Variants in SHB observed in about 807,000 individuals in gnomAD.
SHB encodes SH2 domain containing adaptor protein B.
In SHB, 20 loss-of-function variants were observed where a neutral mutation model predicts 52.3. That is an observed-to-expected ratio of 0.38 (90% CI 0.27 to 0.56). The LOEUF (loss-of-function observed/expected upper bound fraction) is 0.56. Among genes scored for constraint, SHB ranks in the 20% least tolerant of loss-of-function variants. The pLI, the probability that SHB is intolerant of heterozygous loss-of-function variation, is 0.71. For synonymous variants in SHB, 397 were observed against 316.5 expected, an observed-to-expected ratio of 1.25 and a Z score of -2.70; for missense variants, 825 against 723.3, an observed-to-expected ratio of 1.14 and a Z score of -1.61.
chr9:38,044,409 C>T (rs1400992736), intron 1 of SHB, among the ~76,000 whole-genome samples: 2 of 152,212 alleles, frequency 1.3e-5, no homozygotes, highest in Non-Finnish European at 2.9e-5. Flanking sequence ...GTTTACTAAG[C>T]ACCTACTATG....
At chr9:37,994,292 G>A (rs1461729406) in intron 2 of SHB, among the ~76,000 whole-genome samples, 1 of 152,196 alleles carries the variant, frequency 6.6e-6, no homozygotes, top group Admixed American at 6.5e-5. Context: ...TAAGTCAGTA[G>A]ATATGAAAGA....
chr9:38,043,681 G>T (rs953199683), intron 1 of SHB, among the ~76,000 whole-genome samples: 1 of 152,092 alleles, frequency 6.6e-6, no homozygotes, highest in African/African-American at 2.4e-5. Flanking sequence ...CCTGAGGTCG[G>T]GAGTTTGAGA....
intron 2 of SHB, among the ~76,000 whole-genome samples, chr9:37,986,548 T>C (rs900113482): frequency 2.6e-5 from 4 of 152,150 alleles, no homozygotes; most frequent in African/African-American, 9.7e-5. Context: ...GCAGGACACA[T>C]GGGGATGTGG....
At position 38,059,219 on chromosome 9, in the gene SHB, C is replaced by T. The variant is rs1306236228; in HGVS notation, c.717+8710G>A. The stretch of plus-strand genomic sequence containing the variant: ...CTGTAAGTCAAGGCCCGGCAGTGGG[C>T]CAGGGAATTCGCTTCCCCCACCCAC... On this transcript the variant is annotated intron_variant, in intron 1 of 5. Coordinates refer to ENST00000377707, the MANE Select transcript of SHB (RefSeq NM_003028.3). Among the ~76,000 whole-genome samples, 3 of 152,328 alleles carry T rather than the reference C, an allele frequency of 2.0e-5. No homozygotes were observed. The East Asian group carries it at 5.8e-4, about 29-fold the overall frequency.
intron 1 of SHB, among the ~76,000 whole-genome samples, chr9:38,053,726 C>T (rs1340227610): frequency 2.0e-5 from 3 of 152,158 alleles, no homozygotes; most frequent in Non-Finnish European, 4.4e-5. Context: ...ACCCCACTGA[C>T]TTTACTGTGG....
intron 1 of SHB, among the ~76,000 whole-genome samples, chr9:38,041,479 C>T (rs533175271): frequency 1.3e-5 from 2 of 152,262 alleles, no homozygotes; most frequent in East Asian, 3.9e-4. Context: ...TGAGGCAAAC[C>T]TGCATTTGCT....
intron 2 of SHB, among the ~76,000 whole-genome samples, chr9:38,006,678 T>G (rs991744832): frequency 2.6e-5 from 4 of 152,240 alleles, no homozygotes; most frequent in Non-Finnish European, 5.9e-5. Context: ...CCGAGGGGCC[T>G]GAGCCCTCGC....
chr9:37,982,767 C>T (rs960513045), intron 2 of SHB, among the ~76,000 whole-genome samples: 1 of 152,120 alleles, frequency 6.6e-6, no homozygotes, highest in Non-Finnish European at 1.5e-5. Flanking sequence ...CTATTGCACT[C>T]CAGCCTGCGC....
At chr9:37,972,269 C>T (rs1025892202) in intron 3 of SHB, among the ~76,000 whole-genome samples, 1 of 152,198 alleles carries the variant, frequency 6.6e-6, no homozygotes, top group Non-Finnish European at 1.5e-5. Flanking sequence ...TGGATGGCCC[C>T]AGTTCCTCCC....
In SHB at chr9:38,056,213, T is replaced by C. The variant is rs538667985; in HGVS notation, c.717+11716A>G. On this transcript the variant is annotated intron_variant, in intron 1 of 5. Transcript: ENST00000377707. ...GGTACCCAGACACACACTAGCCATT[T>C]GGAAAATAAGATGACAACCATACCT... 7.2e-5 allele frequency among the ~76,000 whole-genome samples: 11 copies of C among 152,242 alleles called. No individual in the cohort carries two copies. The East Asian group carries it at 2.1e-3, about 29-fold the overall frequency.
intron 2 of SHB, among the ~76,000 whole-genome samples, chr9:37,992,765 C>A (rs1820898386): frequency 6.6e-6 from 1 of 152,202 alleles, no homozygotes. Flanking sequence ...ACCACAGGAC[C>A]ACAGGCAAGT....
At chr9:37,965,002 A>G (rs1422276310) in intron 3 of SHB, among the ~76,000 whole-genome samples, 2 of 152,184 alleles carry the variant, frequency 1.3e-5, no homozygotes, top group Admixed American at 6.5e-5. Flanking sequence ...ACCTGCAGAC[A>G]CCCACAGACA....
At chr9:38,065,726 T>C (rs943945782) in intron 1 of SHB, among the ~76,000 whole-genome samples, 2 of 152,090 alleles carry the variant, frequency 1.3e-5, no homozygotes, top group Admixed American at 1.3e-4. Context: ...AAAAACCATA[T>C]CTGATCACAA....
intron 1 of SHB, among the ~76,000 whole-genome samples, chr9:38,038,405 G>C (rs894199492): frequency 1.3e-5 from 2 of 152,118 alleles, no homozygotes; most frequent in African/African-American, 2.4e-5. Context: ...CTAACACCCA[G>C]GGAGTCATCT....
intron 5 of SHB, among the ~76,000 whole-genome samples, chr9:37,942,151 T>C (rs1832441695): frequency 6.6e-6 from 1 of 152,222 alleles, no homozygotes; most frequent in Admixed American, 6.5e-5. Context: ...TTGGCCCTGT[T>C]ACACCCACCC....
chr9:38,009,729 T>C (rs1821114768), intron 2 of SHB, among the ~76,000 whole-genome samples: 1 of 152,220 alleles, frequency 6.6e-6, no homozygotes, highest in Non-Finnish European at 1.5e-5. Context: ...ACTGGCTTCA[T>C]CTGGACGGTG....
At chr9:38,022,463 G>T (rs1179807788) in intron 1 of SHB, among the ~76,000 whole-genome samples, 1 of 152,220 alleles carries the variant, frequency 6.6e-6, no homozygotes, top group Admixed American at 6.5e-5. Flanking sequence ...GGGGCTCTTT[G>T]TCTTGGCTTG....
intron 1 of SHB, among the ~76,000 whole-genome samples, chr9:38,018,724 G>C (rs2118083828): frequency 6.6e-6 from 1 of 152,286 alleles, no homozygotes; most frequent in Non-Finnish European, 1.5e-5. Context: ...AATTCAACCA[G>C]GTGTTAGGAG....
chr9:37,989,721 G>A (rs964307748), intron 2 of SHB, among the ~76,000 whole-genome samples: 2 of 152,098 alleles, frequency 1.3e-5, no homozygotes, highest in Admixed American at 1.3e-4. Flanking sequence ...CAACTCTAAC[G>A]TCACTTCTTG....
Sources: gnomAD v4.1 joint callset for allele counts (sites outside exome capture counted in the v4.1 genomes callset) on GRCh38, gnomAD v4.1.1 for gene constraint, MANE v1.5 for transcripts, NCBI Gene and HGNC (gene_info 2026-07-23, HGNC 2026-07-21) for gene names.